ME3: variants seen among roughly 807,000 people sequenced by gnomAD.
The protein encoded by ME3 is NADP-dependent malic enzyme, mitochondrial.
ME3 carries 48 observed loss-of-function variants against 68.9 expected under a neutral mutation model. The ratio of observed to expected loss-of-function variants is 0.70; its 90% CI spans 0.55 to 0.89. ME3 has a LOEUF of 0.89. Among genes scored for constraint, ME3 ranks in the 40% least tolerant of loss-of-function variants. ME3 has a pLI of 0.00. For missense variants in ME3, 675 were observed against 797.4 expected (o/e 0.85, Z 1.85); for synonymous variants, 320 against 318.8 (o/e 1.00, Z -0.04).
At chr11:86,671,281 T>C (rs1946919323) in intron 2 of ME3, among the ~76,000 whole-genome samples, 1 of 152,250 alleles carries the variant, frequency 6.6e-6, no homozygotes, top group Non-Finnish European at 1.5e-5. Flanking sequence ...CTCAGAATAA[T>C]AATCATAACC....
chr11:86,507,178 A>G (rs1043733591), intron 5 of ME3, among the ~76,000 whole-genome samples: 2 of 152,168 alleles, frequency 1.3e-5, no homozygotes, highest in South Asian at 2.1e-4. Flanking sequence ...GAAAGAAGCT[A>G]TATTTGGTGT....
At chr11:86,440,891 T>C (rs1471372717), downstream of ME3, among the ~76,000 whole-genome samples, 1 of 152,136 alleles carries the variant, frequency 6.6e-6, no homozygotes, top group African/African-American at 2.4e-5. Context: ...CTGCCCTCAG[T>C]TTTTATCTGT....
intron 4 of ME3, among the ~76,000 whole-genome samples, chr11:86,553,171 C>T (rs1488844810): frequency 6.6e-6 from 1 of 152,212 alleles, no homozygotes; most frequent in Non-Finnish European, 1.5e-5. Context: ...CCAGAACCTT[C>T]TGTGGTGCCT....
chr11:86,556,705 T>C lies in ME3; in HGVS notation c.318-3A>G, dbSNP rs1453458757. 1.9e-6 allele frequency: 3 copies of C among 1,613,752 alleles called. No homozygotes were observed. Among genetic ancestry groups the C allele is most frequent in the Non-Finnish European group, 2.5e-6 (3 of 1,179,784 alleles). ...GGAGTGTCATGAGAATGATGTACCT[T>C]GTAAAAGGAGAGAAAAAGCAAGCTG... On this transcript the variant is annotated splice_region_variant and splice_polypyrimidine_tract_variant and intron_variant, in intron 3 of 14. Transcript: ENST00000543262.
chr11:86,448,608 G>T (rs1230991305), intron 10 of ME3, among the ~76,000 whole-genome samples: 1 of 152,176 alleles, frequency 6.6e-6, no homozygotes, highest in Non-Finnish European at 1.5e-5. Flanking sequence ...AAGGCATCCA[G>T]CACCAAGCTC....
chr11:86,494,052 GA>G (rs57702708), intron 6 of ME3, among the ~76,000 whole-genome samples: 11 of 148,930 alleles, frequency 7.4e-5, no homozygotes, highest in African/African-American at 9.9e-5. Context: ...CGGTTTCATT[GA>G]AAAAAAAAAA....
chr11:86,621,088 A>G (rs1323195829), intron 2 of ME3, among the ~76,000 whole-genome samples: 1 of 152,240 alleles, frequency 6.6e-6, no homozygotes, highest in Non-Finnish European at 1.5e-5. Flanking sequence ...TAAAGTGTCC[A>G]GACCAAAATG....
intron 2 of ME3, among the ~76,000 whole-genome samples, chr11:86,595,859 T>C (rs1046457282): frequency 6.6e-6 from 1 of 152,194 alleles, no homozygotes; most frequent in Non-Finnish European, 1.5e-5. Flanking sequence ...GGGAAAGAAG[T>C]TGTGTTAGAG....
intron 2 of ME3, among the ~76,000 whole-genome samples, chr11:86,639,496 C>T (rs943742454): frequency 7.1e-6 from 1 of 141,186 alleles, no homozygotes; most frequent in South Asian, 2.1e-4. Context: ...TCTAAGCATC[C>T]GTATCCAGGA....
At chr11:86,636,990 A>G (rs564864630) in intron 2 of ME3, among the ~76,000 whole-genome samples, 24 of 152,316 alleles carry the variant, frequency 1.6e-4, no homozygotes, top group African/African-American at 5.1e-4. Context: ...AAAGATCTGG[A>G]CAAGTGCGTT....
At chr11:86,575,974 G>T (rs1308870673) in intron 2 of ME3, among the ~76,000 whole-genome samples, 1 of 152,180 alleles carries the variant, frequency 6.6e-6, no homozygotes, top group African/African-American at 2.4e-5. Flanking sequence ...GGGTCTGAAA[G>T]TCTGCAACTT....
At chr11:86,499,688 G>T (rs1244833352) in intron 5 of ME3, among the ~76,000 whole-genome samples, 1 of 152,176 alleles carries the variant, frequency 6.6e-6, no homozygotes, top group Non-Finnish European at 1.5e-5. Flanking sequence ...TCTGGAGAGT[G>T]CAAGAGATCC....
intron 9 of ME3, 79 bp downstream of exon 9, chr11:86,450,222 T>G: frequency 7.4e-7 from 1 of 1,355,042 alleles, no homozygotes; most frequent in Non-Finnish European, 1.1e-6. Flanking sequence ...AACCCCAGAA[T>G]GCCTCCCTTT....
intron 14 of ME3, 29 bp downstream of exon 14, chr11:86,442,792 C>A (rs745899215): frequency 7.7e-6 from 12 of 1,554,486 alleles, no homozygotes; most frequent in Admixed American, 3.4e-5. Flanking sequence ...GCCTCACTAC[C>A]CATATTACAG....
chr11:86,635,336 G>T (rs1944267219), intron 2 of ME3, among the ~76,000 whole-genome samples: 1 of 152,194 alleles, frequency 6.6e-6, no homozygotes, highest in Admixed American at 6.5e-5. Flanking sequence ...TGAGAATGTG[G>T]CTGTCTGCAA....
rs374472755 is a variant in ME3, at chr11:86,509,938, A to C, written c.468-1071T>G. On this transcript the variant is annotated intron_variant, in intron 4 of 14. Transcript: ENST00000543262. ...CCAGAGTCCATAGAATCTAGGGTAC[A>C]TTGAAGTCCATTGTAATATTCTGCT... 2.0e-5 allele frequency among the ~76,000 whole-genome samples: 3 copies of C among 152,324 alleles called. No individual in the cohort carries two copies. In the East Asian group the frequency reaches 5.8e-4, roughly 29 times the overall value.
At chr11:86,444,106 G>A (rs1949154863) in intron 13 of ME3, among the ~76,000 whole-genome samples, 1 of 152,218 alleles carries the variant, frequency 6.6e-6, no homozygotes, top group Non-Finnish European at 1.5e-5. Context: ...TGAGTGCAAT[G>A]AGAGGGGACA....
chr11:86,655,185 T>C (rs954663165), intron 2 of ME3, among the ~76,000 whole-genome samples: 13 of 152,226 alleles, frequency 8.5e-5, no homozygotes, highest in Non-Finnish European at 1.6e-4. Flanking sequence ...AGGTAATTTA[T>C]AGATTCAATG....
intron 7 of ME3, among the ~76,000 whole-genome samples, chr11:86,485,140 G>A (rs1251967362): frequency 6.6e-6 from 1 of 152,186 alleles, no homozygotes; most frequent in African/African-American, 2.4e-5. Flanking sequence ...GCTTCCTTTA[G>A]CATTCCACCA....
Sources: gnomAD v4.1 joint callset for allele counts (sites outside exome capture counted in the v4.1 genomes callset) on GRCh38, gnomAD v4.1.1 for gene constraint, MANE v1.5 for transcripts, NCBI Gene and HGNC (gene_info 2026-07-23, HGNC 2026-07-21) for gene names.